Variants in TMEM132B observed in about 807,000 individuals in gnomAD.
TMEM132B encodes transmembrane protein 132B.
Under a neutral mutation model 90.8 loss-of-function variants are expected in TMEM132B, and 18 were observed. The ratio of observed to expected loss-of-function variants is 0.20; its 90% confidence interval spans 0.14 to 0.29. The LOEUF is 0.29. Among genes scored for constraint, TMEM132B ranks in the 10% least tolerant of loss-of-function variants. The probability of loss-of-function intolerance (pLI) is 1.00; values close to 1 mark genes in which losing one functional copy is unlikely to be tolerated. For missense variants in TMEM132B, 1,096 were observed against 1,326.8 expected (o/e 0.83, Z 2.70); for synonymous variants, 504 against 523.3 (o/e 0.96, Z 0.50).
chr12:125,307,813 A>ATTACAAATATAT (rs1204474958), intron 1 of TMEM132B, among the ~76,000 whole-genome samples: 1 of 22,084 alleles, frequency 4.5e-5, no homozygotes, highest in Admixed American at 4.8e-4. Flanking sequence ...ATATACTTAT[A>ATTACAAATATAT]ATACTTATAA....
chr12:125,632,068 C>G (rs1236585884), intron 5 of TMEM132B, among the ~76,000 whole-genome samples: 5 of 151,898 alleles, frequency 3.3e-5, no homozygotes, highest in Non-Finnish European at 7.4e-5. Flanking sequence ...TTCTTGCTTT[C>G]CTTCTTATTT....
Position 125,655,435 on chromosome 12 carries a change from T to C in TMEM132B, c.*725T>C, listed in dbSNP as rs538919582. On this transcript the variant is annotated 3_prime_UTR_variant, in exon 9 of 9. Transcript: ENST00000682704. ...TCTCACTTTGTTTTTTCCTTCCTTT[T>C]GTTGTTGAACTTTCTTGTATAACAC... 6.6e-6 allele frequency: 1 copy of C among 152,384 alleles called. No individual in the cohort carries two copies. Among genetic ancestry groups the C allele is most frequent in the South Asian group, 2.1e-4 (1 of 4,832 alleles). 9.4% of individuals were successfully genotyped at this position (152,384 alleles called of 1,614,324 possible). A position where few individuals can be genotyped will look rare whatever the true frequency, so the allele number is the denominator to read the frequency against.
intron 2 of TMEM132B, among the ~76,000 whole-genome samples, chr12:125,371,062 G>C (rs1022312280): frequency 2.0e-5 from 3 of 152,178 alleles, no homozygotes; most frequent in Non-Finnish European, 4.4e-5. Context: ...GAAGTCACTG[G>C]TGTAAGTCCA....
At chr12:125,303,929 C>T (rs1875893425) in intron 1 of TMEM132B, among the ~76,000 whole-genome samples, 1 of 152,198 alleles carries the variant, frequency 6.6e-6, no homozygotes, top group Non-Finnish European at 1.5e-5. Context: ...ATTCTGTGAG[C>T]TGTCTTTTCA....
chr12:125,629,730 AG>A (rs1196442835), intron 5 of TMEM132B, among the ~76,000 whole-genome samples: 6 of 152,110 alleles, frequency 3.9e-5, no homozygotes, highest in African/African-American at 1.4e-4. Context: ...TCTCAGAGGA[AG>A]GGCTTTCAGT....
intron 1 of TMEM132B, among the ~76,000 whole-genome samples, chr12:125,312,203 G>A (rs34515519): frequency 0.084 from 12,815 of 152,262 alleles, 605 homozygotes; most frequent in Non-Finnish European, 0.1. Context: ...ATCACTGTGA[G>A]CCCATGAATT....
At chr12:125,481,775 A>G (rs536682437) in intron 3 of TMEM132B, among the ~76,000 whole-genome samples, 18 of 152,330 alleles carry the variant, frequency 1.2e-4, no homozygotes, top group Admixed American at 2.0e-4. Context: ...ATGGAACCAA[A>G]AAAGAGTCCC....
At position 125,492,808 on chromosome 12, in the gene TMEM132B, C is replaced by T. The variant is rs1007187350; in HGVS notation, c.1107-26631C>T. The stretch of plus-strand genomic sequence containing the variant: ...TCACTTGGCTCCAAAATGGGCTGGG[C>T]CCTGTGTCAGGCTCCAGGGATAGAC... On this transcript the variant is annotated intron_variant, in intron 3 of 8. Transcript: ENST00000682704. The surrounding 1 kb of genome is among the most constrained non-coding windows in gnomAD (Gnocchi z 5.8). 6.6e-6 allele frequency among the ~76,000 whole-genome samples: 1 copy of T among 152,198 alleles called. No homozygotes were observed. Among genetic ancestry groups the T allele is most frequent in the African/African-American group, 2.4e-5 (1 of 41,448 alleles).
chr12:125,651,750 CTCTTATCTGGGAGT>C (rs1237783757), intron 7 of TMEM132B, among the ~76,000 whole-genome samples: 1 of 152,160 alleles, frequency 6.6e-6, no homozygotes, highest in African/African-American at 2.4e-5. Context: ...CTGGCCTGGG[CTCTTATCTGGGAGT>C]TTGGGGAAAG....
chr12:125,636,187 G>A (rs959041797), intron 5 of TMEM132B, among the ~76,000 whole-genome samples: 6 of 152,066 alleles, frequency 3.9e-5, no homozygotes, highest in Admixed American at 2.6e-4. Context: ...TGGTGTCCTT[G>A]TGGTGGGGAC....
chr12:125,364,140 G>T (rs1213760991), intron 2 of TMEM132B, among the ~76,000 whole-genome samples: 6 of 152,120 alleles, frequency 3.9e-5, no homozygotes, highest in Non-Finnish European at 7.3e-5. Flanking sequence ...CCAATCAAGG[G>T]ACTGGTTATC....
At chr12:125,190,528 AG>A (rs1187656674) in intron 1 of TMEM132B, among the ~76,000 whole-genome samples, 2 of 86,680 alleles carry the variant, frequency 2.3e-5, no homozygotes, top group Admixed American at 1.2e-4. Context: ...GTGATGGGGA[AG>A]GGGTGGTGAT....
chr12:125,415,428 A>T lies in TMEM132B; in HGVS notation c.960-103A>T. 1 of 1,400,258 alleles carries T rather than the reference A, an allele frequency of 7.1e-7. No homozygotes were observed. The allele number at this position is 1,400,258 out of a possible 1,614,324, so 86.7% of individuals were successfully genotyped here. A position where few individuals can be genotyped will look rare whatever the true frequency, so the allele number is the denominator to read the frequency against. On this transcript the variant is annotated intron_variant, in intron 2 of 8. Coordinates refer to ENST00000682704, the MANE Select transcript of TMEM132B (RefSeq NM_001366854.1). This position sits in a 1 kb window ranked among gnomAD's most constrained non-coding sequence, Gnocchi z 5.3. ...TCTCCCAGAGGAAGGGGGCGATGTT[A>T]CAGATGCTTTCCCAGTGATCTGCTC...
At chr12:125,537,877 G>A (rs554883629) in intron 4 of TMEM132B, among the ~76,000 whole-genome samples, 1 of 152,298 alleles carries the variant, frequency 6.6e-6, no homozygotes, top group Middle Eastern at 3.4e-3. Context: ...CTGAGCCTCA[G>A]TGTCCCCACT....
chr12:125,280,363 TAAAAA>T (rs896986145), intron 1 of TMEM132B, among the ~76,000 whole-genome samples: 1 of 152,248 alleles, frequency 6.6e-6, no homozygotes, highest in African/African-American at 2.4e-5. Flanking sequence ...ATGTGACAAT[TAAAAA>T]AATAAAAAGT....
chr12:125,555,709 A>G (rs1224432721), intron 4 of TMEM132B, among the ~76,000 whole-genome samples: 2 of 128,968 alleles, frequency 1.6e-5, no homozygotes, highest in East Asian at 4.1e-4. Context: ...AACTTAAAGT[A>G]TAGTAAAAAA....
intron 2 of TMEM132B, among the ~76,000 whole-genome samples, chr12:125,383,584 A>G (rs1481995063): frequency 6.6e-6 from 1 of 152,162 alleles, no homozygotes. Flanking sequence ...TATTTCTTCC[A>G]TGTGTATGCA....
Position 125,461,942 on chromosome 12 carries a change from A to G in TMEM132B, c.1106+46265A>G, listed in dbSNP as rs540740926. ...CATAGAAAGCAAACTTTATTTCCCA[A>G]TGATTTCAGGAAAGTCTCAGCTTGG... On this transcript the variant is annotated intron_variant, in intron 3 of 8. Transcript: ENST00000682704. Among the ~76,000 whole-genome samples, 14 of 152,292 alleles carry G rather than the reference A, an allele frequency of 9.2e-5. No individual in the cohort carries two copies. In the South Asian group the frequency reaches 1.5e-3, roughly 16 times the overall value.
In TMEM132B at chr12:125,610,732, T is replaced by C. The variant is rs148340169; in HGVS notation, c.1437+26738T>C. ...GCAATGGGAGAAAAGAATTGCCTTT[T>C]CAACAAATGGTTAAAAAAATAAATA... On this transcript the variant is annotated intron_variant, in intron 5 of 8. Transcript: ENST00000682704. Among the ~76,000 whole-genome samples, 593 of 152,218 alleles carry C rather than the reference T, an allele frequency of 3.9e-3. 1 individual carries two copies. The highest frequency in any genetic ancestry group is 6.3e-3 in the Non-Finnish European group (426 of 67,984).
Sources: gnomAD v4.1 joint callset for allele counts (sites outside exome capture counted in the v4.1 genomes callset) on GRCh38, gnomAD v4.1.1 for gene constraint, Gnocchi (gnomAD v3.1) non-coding constraint, MANE v1.5 for transcripts, NCBI Gene and HGNC (gene_info 2026-07-23, HGNC 2026-07-21) for gene names.